PCSK6: variants seen among roughly 807,000 people sequenced by gnomAD.
PCSK6 encodes proprotein convertase subtilisin/kexin type 6.
PCSK6 carries 85 observed loss-of-function variants against 123.3 expected under a neutral mutation model. The ratio of observed to expected loss-of-function variants is 0.69; its 90% CI spans 0.58 to 0.83. The LOEUF (loss-of-function observed/expected upper bound fraction) is 0.83. Ranked by LOEUF, PCSK6 falls within the 40% of genes least tolerant of loss-of-function variation. PCSK6 has a pLI of 0.00. For synonymous variants in PCSK6, 508 were observed against 516.0 expected (o/e 0.98, Z 0.21); for missense variants, 1,191 against 1,282.3 (o/e 0.93, Z 1.09).
intron 6 of PCSK6, among the ~76,000 whole-genome samples, chr15:101,401,457 G>C (rs986203026): frequency 6.6e-6 from 1 of 152,222 alleles, no homozygotes; most frequent in African/African-American, 2.4e-5. Context: ...GATGGCACAA[G>C]GCAAGTGGAC....
intron 13 of PCSK6, chr15:101,337,017 T>G (rs2040495177): frequency 6.6e-6 from 1 of 152,218 alleles, no homozygotes; most frequent in Non-Finnish European, 1.5e-5. Context: ...CTCTCTTTTT[T>G]TTTTTTTAGA....
At chr15:101,442,370 T>C (rs1389086554) in intron 2 of PCSK6, among the ~76,000 whole-genome samples, 1 of 152,166 alleles carries the variant, frequency 6.6e-6, no homozygotes, top group East Asian at 1.9e-4. Flanking sequence ...TCCAGAAATA[T>C]ATTCAAGACA....
At chr15:101,350,678 C>G (rs1360119306) in intron 13 of PCSK6, among the ~76,000 whole-genome samples, 1 of 152,188 alleles carries the variant, frequency 6.6e-6, no homozygotes, top group African/African-American at 2.4e-5. Context: ...ACGTATATTC[C>G]TGGGGAGGAC....
At chr15:101,334,137 G>T (rs142019300) in intron 13 of PCSK6, 3 of 152,394 alleles carry the variant, frequency 2.0e-5, no homozygotes, top group African/African-American at 4.8e-5. Flanking sequence ...CCCTGACACA[G>T]TTCCTAACCC....
At chr15:101,416,734 C>G (rs896784270) in intron 6 of PCSK6, among the ~76,000 whole-genome samples, 5 of 152,244 alleles carry the variant, frequency 3.3e-5, no homozygotes, top group Admixed American at 6.5e-5. Context: ...AAGGAGCCAA[C>G]GTACAGCTTG....
chr15:101,433,696 G>C (rs555485139), intron 2 of PCSK6, among the ~76,000 whole-genome samples: 4 of 152,372 alleles, frequency 2.6e-5, no homozygotes, highest in African/African-American at 9.6e-5. Context: ...AGCTACCTGA[G>C]GCTGAGTGGG....
intron 13 of PCSK6, among the ~76,000 whole-genome samples, chr15:101,334,780 A>G (rs1194329808): frequency 6.6e-6 from 1 of 152,198 alleles, no homozygotes; most frequent in African/African-American, 2.4e-5. Flanking sequence ...TGGTGGGACA[A>G]ACAAGAGGGG....
chr15:101,439,622 CTGTT>C (rs2056701944), intron 2 of PCSK6, among the ~76,000 whole-genome samples: 1 of 152,210 alleles, frequency 6.6e-6, no homozygotes, highest in African/African-American at 2.4e-5. Flanking sequence ...CAGGAACTTT[CTGTT>C]TGTTTGCACT....
At chr15:101,344,245 C>T (rs2040682894) in intron 13 of PCSK6, among the ~76,000 whole-genome samples, 1 of 152,130 alleles carries the variant, frequency 6.6e-6, no homozygotes, top group Admixed American at 6.5e-5. Context: ...CTAAATCTCT[C>T]CCTCCTGTGT....
At chr15:101,426,665 T>C (rs1454753650) in intron 6 of PCSK6, among the ~76,000 whole-genome samples, 2 of 151,994 alleles carry the variant, frequency 1.3e-5, no homozygotes, top group African/African-American at 4.8e-5. Context: ...CACAAGAAAT[T>C]CCCCCAAGGA....
intron 6 of PCSK6, among the ~76,000 whole-genome samples, chr15:101,401,104 G>A (rs2042572391): frequency 1.3e-5 from 2 of 152,206 alleles, no homozygotes; most frequent in African/African-American, 4.8e-5. Context: ...GGAAACTTCT[G>A]CTCCAAAAGC....
At chr15:101,363,111 A>AAC (rs2041284178) in intron 13 of PCSK6, among the ~76,000 whole-genome samples, 1 of 152,176 alleles carries the variant, frequency 6.6e-6, no homozygotes, top group Non-Finnish European at 1.5e-5. Flanking sequence ...ATGTGGACTC[A>AAC]GGGGAGAGGC....
intron 20 of PCSK6, among the ~76,000 whole-genome samples, chr15:101,309,984 T>C (rs111372239): frequency 0.014 from 2,157 of 152,308 alleles, 53 homozygotes; most frequent in African/African-American, 0.05. Context: ...CTGACCTGCA[T>C]GTTCCAACGC....
intron 7 of PCSK6, among the ~76,000 whole-genome samples, chr15:101,397,130 G>A (rs747673295): frequency 6.6e-6 from 1 of 152,178 alleles, no homozygotes; most frequent in Non-Finnish European, 1.5e-5. Context: ...AAACTCCAGG[G>A]TTTCGGCAGG....
chr15:101,316,254 A>G (rs2039988055), intron 19 of PCSK6: 1 of 152,216 alleles, frequency 6.6e-6, no homozygotes, highest in Non-Finnish European at 1.5e-5. Flanking sequence ...AGGAGCTTAG[A>G]AAGAACCCCA....
chr15:101,388,122 C>T (rs1228593498), intron 9 of PCSK6, among the ~76,000 whole-genome samples: 1 of 152,124 alleles, frequency 6.6e-6, no homozygotes, highest in Non-Finnish European at 1.5e-5. Context: ...GAAAATACAG[C>T]GCAAGGAAGG....
intron 15 of PCSK6, among the ~76,000 whole-genome samples, chr15:101,330,128 T>C (rs565783425): frequency 2.2e-4 from 33 of 152,292 alleles, no homozygotes; most frequent in Non-Finnish European, 3.8e-4. Context: ...GTTGTCCACC[T>C]TCAGAACCAC....
At chr15:101,377,347 C>T (rs1045978074) in intron 11 of PCSK6, among the ~76,000 whole-genome samples, 2 of 152,188 alleles carry the variant, frequency 1.3e-5, no homozygotes, top group Non-Finnish European at 2.9e-5. Context: ...GCAGGTCGCT[C>T]TCATTGGCTC....
intron 18 of PCSK6, among the ~76,000 whole-genome samples, chr15:101,322,221 G>A (rs935968704): frequency 5.9e-5 from 9 of 152,214 alleles, no homozygotes; most frequent in African/African-American, 2.2e-4. Context: ...ACTGGAGCAG[G>A]TGGAGGTGCT....
Sources: gnomAD v4.1 joint callset for allele counts (sites outside exome capture counted in the v4.1 genomes callset) on GRCh38, gnomAD v4.1.1 for gene constraint, MANE v1.5 for transcripts, NCBI Gene and HGNC (gene_info 2026-07-23, HGNC 2026-07-21) for gene names.